Variants in SMARCA2 observed in about 807,000 individuals in gnomAD.
SMARCA2 encodes the protein SWI/SNF-related matrix-associated actin-dependent regulator of chromatin subfamily A member 2.
A neutral mutation model predicts 199.8 loss-of-function variants in SMARCA2; 61 were observed. That is an observed-to-expected ratio of 0.31 (90% confidence interval 0.25 to 0.38). The LOEUF (loss-of-function observed/expected upper bound fraction) is 0.38, where lower values mean the gene tolerates loss of function less well. Among genes scored for constraint, SMARCA2 ranks in the 10% least tolerant of loss-of-function variants. The probability of loss-of-function intolerance (pLI) is 1.00; values close to 1 mark genes in which losing one functional copy is unlikely to be tolerated. For synonymous variants in SMARCA2, 935 were observed against 732.0 expected, an observed-to-expected ratio of 1.28 and a Z score of -4.48; for missense variants, 1,344 against 2,012.2, an observed-to-expected ratio of 0.67 and a Z score of 6.35.
chr9:2,063,045 C>T (rs754717068), intron 9 of SMARCA2, among the ~76,000 whole-genome samples: 1 of 152,114 alleles, frequency 6.6e-6, no homozygotes, highest in Admixed American at 6.5e-5. Flanking sequence ...GATCAATGTG[C>T]AGAATTTTTA....
chr9:2,096,378 C>G (rs908880785), intron 19 of SMARCA2, among the ~76,000 whole-genome samples: 3 of 152,208 alleles, frequency 2.0e-5, no homozygotes, highest in Admixed American at 6.5e-5. Context: ...AAGCCATTCT[C>G]TCTCTCAAAT....
chr9:2,040,084 C>G, intron 4 of SMARCA2, 184 bp downstream of exon 4: 1 of 1,188,950 alleles, frequency 8.4e-7, no homozygotes, highest in African/African-American at 1.5e-5. Flanking sequence ...CTGTTGAGAC[C>G]TAGGGCAGTG....
intron 24 of SMARCA2, among the ~76,000 whole-genome samples, chr9:2,111,619 C>T (rs936401784): frequency 6.6e-6 from 1 of 152,092 alleles, no homozygotes; most frequent in Non-Finnish European, 1.5e-5. Context: ...CACTATCTCA[C>T]TGGGTTGCGA....
In SMARCA2 at chr9:2,056,823, G is replaced by A. The variant is rs752101801; in HGVS notation, c.1325G>A (p.Arg442Lys). Residue 442 changes from arginine to lysine, a missense_variant, in exon 7 of 34, where the codon AGG (arginine) becomes AAG (lysine). This residue lies in a region of SMARCA2 where 155 missense variants were observed against 260.0 expected (regional missense o/e 0.60). Transcript: ENST00000349721. This position sits in a 1 kb window ranked among gnomAD's most constrained non-coding sequence, Gnocchi z 4.0. ...LEKQQKIEQE[R>K]KRRQKHQEYL... is the part of the protein sequence containing the mutation. ...AAGCAGCAGAAGATTGAGCAGGAGA[G>A]GAAACGCCGTCAGAAACACCAGGTT... 1.7e-5 allele frequency: 28 copies of A among 1,613,786 alleles called. No individual in the cohort carries two copies. Among genetic ancestry groups the A allele is most frequent in the South Asian group, 2.2e-5 (2 of 91,072 alleles).
At chr9:2,139,045 G>C (rs980645480) in intron 27 of SMARCA2, among the ~76,000 whole-genome samples, 1 of 152,190 alleles carries the variant, frequency 6.6e-6, no homozygotes, top group African/African-American at 2.4e-5. Context: ...CATCTGAAGA[G>C]TTGAGATGAG....
chr9:2,062,452 A>G (rs1447871133), intron 9 of SMARCA2, among the ~76,000 whole-genome samples: 1 of 152,200 alleles, frequency 6.6e-6, no homozygotes, highest in Non-Finnish European at 1.5e-5. Flanking sequence ...GCTTACAATT[A>G]ATAGATTTCT....
intron 31 of SMARCA2, among the ~76,000 whole-genome samples, chr9:2,184,036 C>T (rs986143766): frequency 6.6e-6 from 1 of 152,168 alleles, no homozygotes; most frequent in Admixed American, 6.5e-5. Flanking sequence ...TTTCTCTAGC[C>T]ACCTTCCTAT....
chr9:2,130,417 A>T (rs1344770071), intron 27 of SMARCA2, among the ~76,000 whole-genome samples: 1 of 152,194 alleles, frequency 6.6e-6, no homozygotes, highest in South Asian at 2.1e-4. Flanking sequence ...TCTTGATCGT[A>T]AAGGTGGTGA....
rs149931024 is a variant in SMARCA2, at chr9:2,191,330, A to G, written c.4659A>G (p.Lys1553=). 6.2e-7 allele frequency: 1 copy of G among 1,614,226 alleles called. No individual in the cohort carries two copies. Among genetic ancestry groups the G allele is most frequent in the Non-Finnish European group, 8.5e-7 (1 of 1,180,024 alleles). ...ATGACAAAGGCCGGGACAAAGGGAA[A>G]GGCAAGAAAAGGCCAAATCGAGGAA... The part of the protein sequence containing the change: ...KKDDKGRDKG[K]GKKRPNRGKA... The change falls in exon 33 of 34, where the codon AAA becomes AAG. Residue 1553 remains lysine, a synonymous_variant. Coordinates refer to ENST00000349721, the MANE Select transcript of SMARCA2 (RefSeq NM_003070.5).
rs982993725 is a variant in SMARCA2, at chr9:2,104,781, A to G, written c.3292+612A>G. ...GTAAGAAAAAATATTAATGGAAGCA[A>G]ATATGATTTTAGGGATAATCCCTAA... On this transcript the variant is annotated intron_variant, in intron 23 of 33. Coordinates refer to ENST00000349721, the MANE Select transcript of SMARCA2 (RefSeq NM_003070.5). The surrounding 1 kb of genome is among the most constrained non-coding windows in gnomAD (Gnocchi z 4.0). Among the ~76,000 whole-genome samples the G allele has an allele frequency of 6.6e-6, 1 of 152,210 alleles. No homozygotes were observed. The highest frequency in any genetic ancestry group is 1.5e-5 in the Non-Finnish European group (1 of 68,034).
rs1005709991 is a variant in SMARCA2 at position 2,056,275 on chromosome 9, A to G, written c.1174-397A>G. ...ATTCTTTTTTTGGAGCATCATTAAA[A>G]TTAATCTTTAAACACAAAGAGAATG... On this transcript the variant is annotated intron_variant, in intron 6 of 33. Transcript: ENST00000349721. The surrounding 1 kb of genome is among the most constrained non-coding windows in gnomAD (Gnocchi z 4.0). Among the ~76,000 whole-genome samples, 4 of 152,264 alleles carry G rather than the reference A, an allele frequency of 2.6e-5. No homozygotes were observed. The highest frequency in any genetic ancestry group is 2.6e-4 in the Admixed American group (4 of 15,282).
At chr9:2,188,027 T>A (rs1358476972) in intron 32 of SMARCA2, among the ~76,000 whole-genome samples, 4 of 152,204 alleles carry the variant, frequency 2.6e-5, no homozygotes, top group Non-Finnish European at 5.9e-5. Context: ...ACACGTTTTT[T>A]TACCTTTTCA....
At chr9:2,047,017 C>A (rs1281032095) in intron 4 of SMARCA2, among the ~76,000 whole-genome samples, 1 of 150,028 alleles carries the variant, frequency 6.7e-6, no homozygotes, top group African/African-American at 2.4e-5. Flanking sequence ...TCTCCGTTTT[C>A]TTTTTCCTTT....
At chr9:2,140,816 T>C (rs1279500606) in intron 27 of SMARCA2, among the ~76,000 whole-genome samples, 1 of 152,172 alleles carries the variant, frequency 6.6e-6, no homozygotes, top group Non-Finnish European at 1.5e-5. Flanking sequence ...TAACCCATGA[T>C]GCACACCGAG....
In SMARCA2 at chr9:2,123,713, C is replaced by G. The variant is rs754710614; in HGVS notation, c.3763-6C>G. 6.2e-7 allele frequency: 1 copy of G among 1,613,568 alleles called. No individual in the cohort carries two copies. Among genetic ancestry groups the G allele is most frequent in the African/African-American group, 1.3e-5 (1 of 74,926 alleles). On this transcript the variant is annotated splice_polypyrimidine_tract_variant and splice_region_variant and intron_variant, in intron 26 of 33. Transcript: ENST00000349721. The surrounding 1 kb of genome is among the most constrained non-coding windows in gnomAD (Gnocchi z 4.1). ...CTTTCGGTGACCCTCTTATTAATGT[C>G]TCCAGCGGATGGACATGGACCGGCG...
At chr9:2,130,267 T>G in intron 27 of SMARCA2, among the ~76,000 whole-genome samples, 1 of 152,258 alleles carries the variant, frequency 6.6e-6, no homozygotes. Context: ...TGCCTTCCTG[T>G]TACGTGGCAA....
At chr9:2,101,072 G>A (rs566701844) in intron 21 of SMARCA2, among the ~76,000 whole-genome samples, 8 of 152,120 alleles carry the variant, frequency 5.3e-5, no homozygotes, top group South Asian at 2.1e-4. Flanking sequence ...TTCAGTTGTC[G>A]CCCCCAGGGT....
At position 2,169,582 on chromosome 9, in the gene SMARCA2, G is replaced by A. The variant is rs372908549; in HGVS notation, c.4200-837G>A. Reference sequence around the variant, plus strand: ...ACACCCCGACCCCACACTGACTCTAGAGCAGAATGGGGCAGTGACTCCGAG... The same window carrying A: ...ACACCCCGACCCCACACTGACTCTAAAGCAGAATGGGGCAGTGACTCCGAG... On this transcript the variant is annotated intron_variant, in intron 28 of 33. Transcript: ENST00000349721. The surrounding 1 kb of genome is among the most constrained non-coding windows in gnomAD (Gnocchi z 6.5). 3.9e-5 allele frequency among the ~76,000 whole-genome samples: 6 copies of A among 152,244 alleles called. No individual in the cohort carries two copies. The South Asian group carries it at 1.0e-3, about 26-fold the overall frequency.
At chr9:2,055,730 A>C (rs1586654890) in intron 6 of SMARCA2, 1 of 152,320 alleles carries the variant, frequency 6.6e-6, no homozygotes, top group Non-Finnish European at 1.5e-5. Context: ...TTCAGCTTAA[A>C]TTTTAAAAAG....
Sources: gnomAD v4.1 joint callset for allele counts (sites outside exome capture counted in the v4.1 genomes callset) on GRCh38, gnomAD v4.1.1 for gene constraint, gnomAD v4.1.1 regional missense constraint, Gnocchi (gnomAD v3.1) non-coding constraint, MANE v1.5 for transcripts, NCBI Gene and HGNC (gene_info 2026-07-23, HGNC 2026-07-21) for gene names.